STARD13: variants seen among roughly 807,000 people sequenced by gnomAD.
The protein encoded by STARD13 is StAR related lipid transfer domain containing 13.
STARD13 carries 62 observed loss-of-function variants against 106.4 expected under a neutral mutation model. The observed-to-expected ratio is 0.58, with a 90% CI of 0.48 to 0.72. The LOEUF is 0.72. STARD13 is among the 30% of genes least tolerant of loss of function. The pLI is 0.00. For missense variants in STARD13, 1,387 were observed against 1,424.0 expected (o/e 0.97, Z 0.42); for synonymous variants, 565 against 553.0 (o/e 1.02, Z -0.31).
chr13:33,129,175 T>G lies in STARD13; in HGVS notation c.1502A>C (p.Asp501Ala). 2 of 1,614,218 alleles carry G rather than the reference T, an allele frequency of 1.2e-6. No homozygotes were observed. Among genetic ancestry groups the G allele is most frequent in the Non-Finnish European group, 1.7e-6 (2 of 1,180,030 alleles). Residue 501 changes from aspartate (D) to alanine (A), a missense_variant, in exon 5 of 14, where the codon GAT (aspartate) becomes GCT (alanine). Asp to Ala is a moderately radical substitution (Grantham distance 126). Coordinates refer to ENST00000336934, the MANE Select transcript of STARD13 (RefSeq NM_178006.4). ...AGGCAAGACATCTTTGGACCAGTCA[T>G]CGACTACCTCTTGGAGCCCATTGAC... ...QHVNGLQEVV[D>A]DWSKDVLPEL...
chr13:33,329,947 G>A (rs376286708), intron 1 of STARD13, among the ~76,000 whole-genome samples: 8 of 151,946 alleles, frequency 5.3e-5, no homozygotes, highest in South Asian at 2.1e-4. Context: ...CAAGTGATCC[G>A]CCCCCATCAG....
At chr13:33,316,790 G>T (rs931508880) in intron 1 of STARD13, among the ~76,000 whole-genome samples, 3 of 151,978 alleles carry the variant, frequency 2.0e-5, no homozygotes, top group Non-Finnish European at 4.4e-5. Context: ...CCTGAACCCC[G>T]TTCATCAGGC....
chr13:33,152,430 A>AAAT (rs1238258693), intron 3 of STARD13, among the ~76,000 whole-genome samples: 1 of 152,026 alleles, frequency 6.6e-6, no homozygotes, highest in East Asian at 1.9e-4. Flanking sequence ...AAAAAAAAAA[A>AAAT]ATAGCCATTC....
chr13:33,432,917 A>G, the STARD13 span, among the ~76,000 whole-genome samples: 1 of 152,224 alleles, frequency 6.6e-6, no homozygotes, highest in Non-Finnish European at 1.5e-5. Context: ...TCACCATTAA[A>G]TTTATATTAC....
At chr13:33,596,691 C>T in the STARD13 span, among the ~76,000 whole-genome samples, 1 of 152,238 alleles carries the variant, frequency 6.6e-6, no homozygotes, top group South Asian at 2.1e-4. Context: ...TCTCTTCATT[C>T]CCTGACCCTT....
the STARD13 span, among the ~76,000 whole-genome samples, chr13:33,473,864 C>T: frequency 4.6e-5 from 7 of 152,166 alleles, no homozygotes; most frequent in Admixed American, 2.0e-4. Flanking sequence ...GCAGGATCTG[C>T]TCCTCTCGAT....
the STARD13 span, among the ~76,000 whole-genome samples, chr13:33,460,835 T>C: frequency 1.3e-5 from 2 of 152,198 alleles, no homozygotes; most frequent in Non-Finnish European, 2.9e-5. Flanking sequence ...ATTTTTGAAA[T>C]TGGCAACTTT....
chr13:33,206,086 A>G, intron 1 of STARD13: 3 of 842,888 alleles, frequency 3.6e-6, no homozygotes, highest in Non-Finnish European at 4.3e-6. Flanking sequence ...GCTCTAAGAG[A>G]AAAAAACGAA....
intron 1 of STARD13, among the ~76,000 whole-genome samples, chr13:33,214,052 C>CA (rs1191120908): frequency 1.3e-5 from 2 of 152,162 alleles, no homozygotes; most frequent in Admixed American, 6.5e-5. Context: ...ATCATATATA[C>CA]ACTAGAGTTT....
At chr13:33,502,216 A>G in the STARD13 span, among the ~76,000 whole-genome samples, 1 of 152,070 alleles carries the variant, frequency 6.6e-6, no homozygotes, top group Non-Finnish European at 1.5e-5. Flanking sequence ...AATGCCTGTG[A>G]TTTTTGCATA....
At chr13:33,491,558 G>A in the STARD13 span, among the ~76,000 whole-genome samples, 1 of 152,142 alleles carries the variant, frequency 6.6e-6, no homozygotes, top group Non-Finnish European at 1.5e-5. Context: ...TGAAAAGAAA[G>A]TACAAGAACT....
intron 1 of STARD13, among the ~76,000 whole-genome samples, chr13:33,190,764 T>A (rs984977544): frequency 6.6e-6 from 1 of 152,092 alleles, no homozygotes; most frequent in Non-Finnish European, 1.5e-5. Context: ...TTTTTGTATT[T>A]TAGCAGAGAT....
At chr13:33,403,576 G>GTC in the STARD13 span, among the ~76,000 whole-genome samples, 3 of 152,084 alleles carry the variant, frequency 2.0e-5, no homozygotes, top group Non-Finnish European at 4.4e-5. Context: ...GAAAAGAAAC[G>GTC]TAATAGGCTG....
At chr13:33,665,929 T>C in the STARD13 span, among the ~76,000 whole-genome samples, 1 of 152,180 alleles carries the variant, frequency 6.6e-6, no homozygotes, top group Non-Finnish European at 1.5e-5. Context: ...TCAGTGTAAA[T>C]TCTTGGGCTG....
At chr13:33,631,662 AT>A in the STARD13 span, among the ~76,000 whole-genome samples, 4,674 of 152,326 alleles carry the variant, frequency 0.031, 189 homozygotes, top group East Asian at 0.16. Flanking sequence ...TGATAGTTAT[AT>A]TTGTTGAATT....
chr13:33,596,356 G>A, the STARD13 span, among the ~76,000 whole-genome samples: 3 of 151,914 alleles, frequency 2.0e-5, no homozygotes, highest in Non-Finnish European at 2.9e-5. Flanking sequence ...TTTAAGTCTC[G>A]TACCCACAAT....
chr13:33,531,763 A>G, the STARD13 span, among the ~76,000 whole-genome samples: 1 of 152,206 alleles, frequency 6.6e-6, no homozygotes, highest in African/African-American at 2.4e-5. Flanking sequence ...GTAAGACTAC[A>G]GGACTTTTAC....
chr13:33,170,740 C>A (rs1005503531), intron 1 of STARD13, among the ~76,000 whole-genome samples: 5 of 152,194 alleles, frequency 3.3e-5, no homozygotes, highest in Admixed American at 6.5e-5. Flanking sequence ...CAAACACACA[C>A]CCTCATTTCA....
intron 1 of STARD13, among the ~76,000 whole-genome samples, chr13:33,189,430 CTTTCG>C (rs1341298146): frequency 8.8e-4 from 12 of 13,712 alleles, no homozygotes; most frequent in Admixed American, 1.5e-3. Context: ...CTCCTTCCTC[CTTTCG>C]GAGGAAGGAG....
Sources: allele counts gnomAD v4.1 joint callset (sites outside exome capture counted in the v4.1 genomes callset), GRCh38; gene constraint gnomAD v4.1.1; transcripts MANE v1.5; gene names NCBI Gene and HGNC (gene_info 2026-07-23, HGNC 2026-07-21).